KSR2: variants seen among roughly 807,000 people sequenced by gnomAD.
The protein encoded by KSR2 is kinase suppressor of ras 2.
Under a neutral mutation model 107.8 loss-of-function variants are expected in KSR2, and 25 were observed. The ratio of observed to expected loss-of-function variants is 0.23; its 90% CI spans 0.17 to 0.32. The LOEUF (loss-of-function observed/expected upper bound fraction) is 0.32. Ranked by LOEUF, KSR2 falls within the 10% of genes least tolerant of loss-of-function variation. The pLI, the probability that KSR2 is intolerant of heterozygous loss-of-function variation, is 1.00. For synonymous variants in KSR2, 480 were observed against 507.0 expected, an observed-to-expected ratio of 0.95 and a Z score of 0.71; for missense variants, 887 against 1,268.9, an observed-to-expected ratio of 0.70 and a Z score of 4.57.
intron 1 of KSR2, among the ~76,000 whole-genome samples, chr12:117,903,317 G>A (rs552925393): frequency 6.6e-6 from 1 of 152,268 alleles, no homozygotes; most frequent in East Asian, 1.9e-4. Context: ...AGAACAGTGT[G>A]GATTTGCATA....
chr12:117,935,620 T>C (rs948995075), intron 1 of KSR2, among the ~76,000 whole-genome samples: 16 of 151,970 alleles, frequency 1.1e-4, no homozygotes, highest in African/African-American at 3.9e-4. Context: ...AGTTAGCCGG[T>C]CGTAGTAGTG....
chr12:117,587,351 A>T (rs1880066299), intron 5 of KSR2, among the ~76,000 whole-genome samples: 1 of 152,090 alleles, frequency 6.6e-6, no homozygotes, highest in East Asian at 1.9e-4. Flanking sequence ...GAGGTCAGAG[A>T]AGTGGACATG....
chr12:117,624,292 T>C (rs1425389192), intron 5 of KSR2, among the ~76,000 whole-genome samples: 1 of 152,258 alleles, frequency 6.6e-6, no homozygotes, highest in Non-Finnish European at 1.5e-5. Flanking sequence ...AGTCACGAAG[T>C]CCTTGCCCAT....
At chr12:117,623,143 G>C (rs1207894479) in intron 5 of KSR2, among the ~76,000 whole-genome samples, 2 of 152,206 alleles carry the variant, frequency 1.3e-5, no homozygotes, top group Admixed American at 1.3e-4. Context: ...TTCGCACATG[G>C]TAGATACCAA....
chr12:117,640,242 C>CT (rs138058259), intron 5 of KSR2, among the ~76,000 whole-genome samples: 68,402 of 150,714 alleles, frequency 0.45, 18,106 homozygotes, highest in Non-Finnish European at 0.6. Context: ...CTTTTTTTTT[C>CT]TTTTTTTTGA....
intron 19 of KSR2, among the ~76,000 whole-genome samples, chr12:117,468,726 T>C (rs995478205): frequency 3.9e-5 from 6 of 152,170 alleles, no homozygotes; most frequent in African/African-American, 9.7e-5. Context: ...TCATGTACCA[T>C]GTAATGTGAT....
chr12:117,794,051 C>T (rs1367453765), intron 3 of KSR2, among the ~76,000 whole-genome samples: 5 of 114,090 alleles, frequency 4.4e-5, no homozygotes, highest in Non-Finnish European at 8.8e-5. Context: ...AACATGCACA[C>T]TCGTACCAAC....
intron 1 of KSR2, among the ~76,000 whole-genome samples, chr12:117,966,611 T>TCTCACACACA (rs1555262158): frequency 8.9e-4 from 69 of 77,250 alleles, no homozygotes; most frequent in African/African-American, 3.0e-3. Context: ...TCTCTCTCTC[T>TCTCACACACA]CACACGCGCA....
chr12:117,963,000 T>G (rs971458069), intron 1 of KSR2, among the ~76,000 whole-genome samples: 1 of 137,120 alleles, frequency 7.3e-6, no homozygotes, highest in African/African-American at 2.7e-5. Context: ...GCCTGGCCAA[T>G]AGGCTGGTCT....
At chr12:117,906,260 G>A (rs1894839547) in intron 1 of KSR2, among the ~76,000 whole-genome samples, 1 of 151,338 alleles carries the variant, frequency 6.6e-6, no homozygotes. Context: ...GGCTAAGGCA[G>A]GAGAATTGCT....
intron 5 of KSR2, among the ~76,000 whole-genome samples, chr12:117,612,428 T>C (rs1296658229): frequency 6.6e-6 from 1 of 151,880 alleles, no homozygotes; most frequent in Non-Finnish European, 1.5e-5. Flanking sequence ...GTAAATCTTA[T>C]GTTATGTATA....
At chr12:117,676,718 C>G (rs544560670) in intron 4 of KSR2, among the ~76,000 whole-genome samples, 6 of 152,076 alleles carry the variant, frequency 3.9e-5, no homozygotes, top group Non-Finnish European at 7.3e-5. Flanking sequence ...TAAATTGGTA[C>G]AACCGTTTTT....
At chr12:117,592,114 C>G (rs547651555) in intron 5 of KSR2, among the ~76,000 whole-genome samples, 35 of 151,600 alleles carry the variant, frequency 2.3e-4, no homozygotes, top group Non-Finnish European at 4.7e-4. Context: ...AATCGCTTTC[C>G]CCCCAACTTT....
intron 3 of KSR2, among the ~76,000 whole-genome samples, chr12:117,805,589 C>A (rs934618969): frequency 6.6e-6 from 1 of 152,224 alleles, no homozygotes; most frequent in Non-Finnish European, 1.5e-5. Context: ...AATCTCTGAA[C>A]CTGAATTTGC....
At chr12:117,883,673 G>C (rs946605947) in intron 1 of KSR2, among the ~76,000 whole-genome samples, 3 of 152,016 alleles carry the variant, frequency 2.0e-5, no homozygotes, top group African/African-American at 7.3e-5. Flanking sequence ...GAATATTATG[G>C]GCAAAAGGGA....
chr12:117,542,183 C>T (rs1045850856), intron 9 of KSR2, among the ~76,000 whole-genome samples: 1 of 152,046 alleles, frequency 6.6e-6, no homozygotes, highest in Non-Finnish European at 1.5e-5. Flanking sequence ...TGGGTCAATG[C>T]GGTCGGCCTC....
chr12:117,857,105 C>A (rs1272835383), intron 2 of KSR2, among the ~76,000 whole-genome samples: 2 of 152,134 alleles, frequency 1.3e-5, no homozygotes, highest in African/African-American at 2.4e-5. Context: ...TGTCACCAGG[C>A]TGGGGTGCAG....
intron 9 of KSR2, among the ~76,000 whole-genome samples, chr12:117,551,842 T>C (rs1332094724): frequency 6.6e-6 from 1 of 152,178 alleles, no homozygotes; most frequent in East Asian, 1.9e-4. Context: ...TTTATTTCCC[T>C]TATCAAATTC....
At chr12:117,588,906 T>C (rs1038411449) in intron 5 of KSR2, among the ~76,000 whole-genome samples, 3 of 152,218 alleles carry the variant, frequency 2.0e-5, no homozygotes, top group Non-Finnish European at 4.4e-5. Context: ...ATTCTGAGCA[T>C]GAGAGCAATG....
Sources: allele counts gnomAD v4.1 joint callset (sites outside exome capture counted in the v4.1 genomes callset), GRCh38; gene constraint gnomAD v4.1.1; transcripts MANE v1.5; gene names NCBI Gene and HGNC (gene_info 2026-07-23, HGNC 2026-07-21).